The following AKT3 variants were observed in gnomAD, a reference collection of about 807,000 sequenced individuals.
AKT3 encodes RAC-gamma serine/threonine-protein kinase.
Under a neutral mutation model 65.3 loss-of-function variants are expected in AKT3, and 15 were observed. The observed-to-expected ratio is 0.23, with a 90% confidence interval of 0.15 to 0.35. The LOEUF (loss-of-function observed/expected upper bound fraction) is 0.35, where lower values mean the gene tolerates loss of function less well. AKT3 is among the 10% of genes least tolerant of loss of function. The pLI is 1.00. For missense variants in AKT3, 243 were observed against 576.5 expected (o/e 0.42, Z 5.92); for synonymous variants, 206 against 183.8 (o/e 1.12, Z -0.98).
At chr1:243,834,552 T>G (rs1249906067) in intron 2 of AKT3, among the ~76,000 whole-genome samples, 3 of 152,070 alleles carry the variant, frequency 2.0e-5, no homozygotes, top group Non-Finnish European at 4.4e-5. Flanking sequence ...CACTGTACTT[T>G]AGAGAGTATA....
At chr1:243,721,110 A>ATC (rs1178217578) in intron 2 of AKT3, among the ~76,000 whole-genome samples, 1 of 151,984 alleles carries the variant, frequency 6.6e-6, no homozygotes, top group Non-Finnish European at 1.5e-5. Flanking sequence ...TAAAGACTAG[A>ATC]TCTCTCTTCT....
At chr1:243,840,172 A>AAAAAT (rs1030095497) in intron 2 of AKT3, among the ~76,000 whole-genome samples, 3 of 152,194 alleles carry the variant, frequency 2.0e-5, no homozygotes, top group Non-Finnish European at 4.4e-5. Flanking sequence ...CTCCGTCTCA[A>AAAAAT]AAAATAAAAT....
At chr1:243,681,708 T>G (rs570654058) in intron 3 of AKT3, among the ~76,000 whole-genome samples, 27 of 152,140 alleles carry the variant, frequency 1.8e-4, no homozygotes, top group Non-Finnish European at 2.9e-4. Flanking sequence ...CATATATGAT[T>G]AAATGCATTC....
intron 6 of AKT3, among the ~76,000 whole-genome samples, chr1:243,626,391 T>C (rs1044823746): frequency 1.3e-5 from 2 of 152,210 alleles, no homozygotes; most frequent in Non-Finnish European, 2.9e-5. Context: ...GGTTTACCAA[T>C]GGGAGCGCCT....
intron 2 of AKT3, among the ~76,000 whole-genome samples, chr1:243,807,440 C>A (rs749775747): frequency 6.6e-6 from 1 of 152,094 alleles, no homozygotes; most frequent in African/African-American, 2.4e-5. Context: ...TCGTTGCTAG[C>A]ACAGCAGTCT....
intron 8 of AKT3, among the ~76,000 whole-genome samples, chr1:243,589,328 A>G (rs1438640269): frequency 1.3e-5 from 2 of 151,158 alleles, no homozygotes; most frequent in Non-Finnish European, 2.9e-5. Context: ...AAAAAAAGAA[A>G]AAAAAAGAAA....
At chr1:243,595,078 A>T (rs1676504910) in intron 8 of AKT3, among the ~76,000 whole-genome samples, 1 of 152,222 alleles carries the variant, frequency 6.6e-6, no homozygotes, top group African/African-American at 2.4e-5. Context: ...ACATTCTGAG[A>T]AATGTGCAAT....
downstream of AKT3, among the ~76,000 whole-genome samples, chr1:243,495,310 T>G (rs116556988): frequency 0.018 from 2,709 of 152,316 alleles, 92 homozygotes; most frequent in African/African-American, 0.062. Context: ...CCACTTCATG[T>G]CTGCAAGGCG....
intron 3 of AKT3, among the ~76,000 whole-genome samples, chr1:243,667,095 G>A (rs1208708398): frequency 6.6e-6 from 1 of 152,122 alleles, no homozygotes; most frequent in Non-Finnish European, 1.5e-5. Context: ...AATCTCCATT[G>A]AGTGTGTACT....
intron 2 of AKT3, among the ~76,000 whole-genome samples, chr1:243,842,654 T>C (rs1695317190): frequency 6.6e-6 from 1 of 152,220 alleles, no homozygotes; most frequent in Non-Finnish European, 1.5e-5. Context: ...TTACCAAATT[T>C]ATGGGATTAA....
intron 2 of AKT3, among the ~76,000 whole-genome samples, chr1:243,837,887 T>A (rs1449640277): frequency 6.6e-6 from 1 of 152,072 alleles, no homozygotes; most frequent in African/African-American, 2.4e-5. Flanking sequence ...TCCTATCCAG[T>A]GAAATATGAT....
In AKT3 at chr1:243,803,153, A is replaced by T. The variant is rs561250660; in HGVS notation, c.46+39972T>A. On this transcript the variant is annotated intron_variant, in intron 2 of 13. Transcript: ENST00000673466. ...AGACCCTGTCTCAATAATTTTTTTT[A>T]AAAAATTATAATAACAGTTATCACT... is the stretch of plus-strand genomic sequence containing the variant. Among the ~76,000 whole-genome samples, 21 of 152,128 alleles carry T rather than the reference A, an allele frequency of 1.4e-4. 1 individual carries two copies. The East Asian group carries it at 2.7e-3, about 20-fold the overall frequency.
chr1:243,605,143 G>C (rs905419831), intron 8 of AKT3, among the ~76,000 whole-genome samples: 3 of 151,952 alleles, frequency 2.0e-5, no homozygotes, highest in African/African-American at 4.8e-5. Context: ...TCCCACCTCA[G>C]CTTTCCTGAT....
intron 2 of AKT3, among the ~76,000 whole-genome samples, chr1:243,739,365 T>C (rs547859508): frequency 6.6e-6 from 1 of 152,322 alleles, no homozygotes; most frequent in African/African-American, 2.4e-5. Context: ...ACCTATAATA[T>C]AGGTCAATTC....
At chr1:243,704,221 A>G (rs1026356536) in intron 2 of AKT3, among the ~76,000 whole-genome samples, 1 of 152,222 alleles carries the variant, frequency 6.6e-6, no homozygotes, top group African/African-American at 2.4e-5. Context: ...ATCTTTACTT[A>G]GATTTAAGAA....
chr1:243,645,780 T>G, intron 5 of AKT3, 113 bp downstream of exon 5: 2 of 1,062,460 alleles, frequency 1.9e-6, no homozygotes, highest in Non-Finnish European at 2.7e-6. Flanking sequence ...GACCCACCAA[T>G]ATATTTACAT....
intron 8 of AKT3, among the ~76,000 whole-genome samples, chr1:243,603,041 C>T (rs561693817): frequency 3.3e-5 from 5 of 152,294 alleles, no homozygotes; most frequent in Non-Finnish European, 7.4e-5. Flanking sequence ...ATTTTGTCTA[C>T]TTTATTCTCC....
intron 2 of AKT3, among the ~76,000 whole-genome samples, chr1:243,775,366 G>A (rs1324979560): frequency 6.6e-6 from 1 of 152,150 alleles, no homozygotes; most frequent in Non-Finnish European, 1.5e-5. Context: ...ATTTTTAGTA[G>A]AGATGGGGTT....
At chr1:243,658,202 T>C (rs1014072755) in intron 4 of AKT3, among the ~76,000 whole-genome samples, 6 of 152,188 alleles carry the variant, frequency 3.9e-5, no homozygotes, top group Admixed American at 1.3e-4. Context: ...ACCATATGTC[T>C]GATAAGGGCT....
Sources: gnomAD v4.1 joint callset for allele counts (sites outside exome capture counted in the v4.1 genomes callset) on GRCh38, gnomAD v4.1.1 for gene constraint, MANE v1.5 for transcripts, NCBI Gene and HGNC (gene_info 2026-07-23, HGNC 2026-07-21) for gene names.